The following IMPG1 variants were observed in gnomAD, a reference collection of about 807,000 sequenced individuals.
The protein encoded by IMPG1 is interphotoreceptor matrix proteoglycan 1.
In IMPG1, 85 loss-of-function variants were observed where a neutral mutation model predicts 92.0. The observed-to-expected ratio is 0.92, with a 90% CI of 0.78 to 1.11. The LOEUF (loss-of-function observed/expected upper bound fraction) is 1.11. Ranked by LOEUF, IMPG1 falls within the 50% of genes least tolerant of loss-of-function variation. The pLI is 0.00. For missense variants in IMPG1, 1,022 were observed against 956.0 expected, an observed-to-expected ratio of 1.07 and a Z score of -0.91; for synonymous variants, 367 against 334.1, an observed-to-expected ratio of 1.10 and a Z score of -1.08.
intron 14 of IMPG1, 152 bp from the exon 15 acceptor site, chr6:75,931,303 A>G (rs1337201505): frequency 1.5e-6 from 1 of 655,456 alleles, no homozygotes; most frequent in Non-Finnish European, 2.6e-6. Context: ...GAAAAGAACC[A>G]CATTCTGTAT....
At chr6:75,946,454 T>C (rs1214793670) in intron 14 of IMPG1, among the ~76,000 whole-genome samples, 1 of 152,214 alleles carries the variant, frequency 6.6e-6, no homozygotes, top group African/African-American at 2.4e-5. Context: ...AGCTTTGTTT[T>C]GAATTTGACT....
intron 1 of IMPG1, among the ~76,000 whole-genome samples, chr6:76,069,319 G>T (rs1035423933): frequency 2.0e-5 from 3 of 152,062 alleles, no homozygotes; most frequent in Non-Finnish European, 2.9e-5. Context: ...CCTACACAAA[G>T]AATTAGTTAC....
At chr6:76,059,905 TTC>T (rs1454697278) in intron 1 of IMPG1, among the ~76,000 whole-genome samples, 8 of 152,234 alleles carry the variant, frequency 5.3e-5, no homozygotes, top group Non-Finnish European at 2.9e-5. Context: ...TATTTCATAG[TTC>T]AACTTAATTA....
intron 12 of IMPG1, among the ~76,000 whole-genome samples, chr6:75,998,574 A>G (rs1308252703): frequency 1.3e-5 from 2 of 152,236 alleles, no homozygotes; most frequent in Non-Finnish European, 2.9e-5. Context: ...AAATACTGCA[A>G]TTTATTAAGA....
intron 12 of IMPG1, among the ~76,000 whole-genome samples, chr6:75,959,158 T>C (rs1782174915): frequency 6.6e-6 from 1 of 152,076 alleles, no homozygotes; most frequent in Admixed American, 6.5e-5. Context: ...TCTGCTGGAG[T>C]TTGCGGGAGG....
chr6:75,949,430 T>C (rs1562344702), intron 13 of IMPG1, among the ~76,000 whole-genome samples: 2 of 152,252 alleles, frequency 1.3e-5, no homozygotes, highest in Non-Finnish European at 1.5e-5. Flanking sequence ...TTACCCTATA[T>C]GGTCTAAAAA....
In IMPG1 at chr6:75,951,086, A is replaced by G; in HGVS notation, c.1300T>C (p.Trp434Arg). 1 of 1,604,374 alleles carries G rather than the reference A, an allele frequency of 6.2e-7. No homozygotes were observed. Among genetic ancestry groups the G allele is most frequent in the Non-Finnish European group, 8.5e-7 (1 of 1,174,844 alleles). ...GAEHGLPDTS[W>R]SPPAMASTSL... ...GTAGAGGCCATAGCAGGTGGAGACC[A>G]AGAAGTGTCTGTGGAGGAAGTACAA... is the stretch of plus-strand genomic sequence containing the variant. The change falls in exon 13 of 17, where the codon TGG becomes CGG. Residue 434 changes from tryptophan (W) to arginine (R), a missense_variant. Coordinates refer to ENST00000369950, the MANE Select transcript of IMPG1 (RefSeq NM_001563.4).
At chr6:75,935,833 T>C (rs976232027) in intron 14 of IMPG1, among the ~76,000 whole-genome samples, 2 of 152,202 alleles carry the variant, frequency 1.3e-5, no homozygotes, top group Non-Finnish European at 2.9e-5. Flanking sequence ...TTACTAATAG[T>C]CATGAAGGCA....
chr6:75,965,913 T>G (rs1782302411), intron 12 of IMPG1, among the ~76,000 whole-genome samples: 1 of 152,206 alleles, frequency 6.6e-6, no homozygotes. Flanking sequence ...AGCCACACAC[T>G]TGTTCTTTAC....
At chr6:75,995,061 C>T (rs1782873770) in intron 12 of IMPG1, among the ~76,000 whole-genome samples, 1 of 152,208 alleles carries the variant, frequency 6.6e-6, no homozygotes, top group South Asian at 2.1e-4. Flanking sequence ...TGAGCCTGTA[C>T]AGACATTATT....
chr6:75,986,874 T>C (rs1782726560), intron 12 of IMPG1, among the ~76,000 whole-genome samples: 1 of 152,230 alleles, frequency 6.6e-6, no homozygotes, highest in African/African-American at 2.4e-5. Context: ...AAATCTCAGA[T>C]GATTCTAATG....
chr6:76,011,083 T>A, intron 8 of IMPG1, 83 bp downstream of exon 8: 1 of 769,182 alleles, frequency 1.3e-6, no homozygotes, highest in South Asian at 1.6e-5. Flanking sequence ...AAAAGGACCT[T>A]ATAATCCTTA....
intron 9 of IMPG1, 66 bp downstream of exon 9, chr6:76,007,414 A>AAAT: frequency 8.3e-7 from 1 of 1,203,046 alleles, no homozygotes; most frequent in Admixed American, 2.1e-5. Flanking sequence ...TATTTGTGCA[A>AAAT]AATCAGTATA....
chr6:76,072,410 T>C lies in IMPG1; in HGVS notation c.67+12A>G. 1 of 1,440,164 alleles carries C rather than the reference T, an allele frequency of 6.9e-7. No individual in the cohort carries two copies. The highest frequency in any genetic ancestry group is 2.3e-5 in the East Asian group (1 of 43,514). 89.2% of individuals were successfully genotyped at this position (1,440,164 alleles called of 1,614,324 possible). A position where few individuals can be genotyped will look rare whatever the true frequency, so the allele number is the denominator to read the frequency against. ...GATAAGCAATTTAAAAGTAAACATTTAAGTAACTTACCTTTGGTTCCTTGA... is the reference window on the plus strand; with the variant it reads ...GATAAGCAATTTAAAAGTAAACATTCAAGTAACTTACCTTTGGTTCCTTGA... On this transcript the variant is annotated intron_variant, in intron 1 of 16. Coordinates refer to ENST00000369950, the MANE Select transcript of IMPG1 (RefSeq NM_001563.4).
At chr6:76,035,141 C>T (rs973189839) in intron 2 of IMPG1, among the ~76,000 whole-genome samples, 15 of 152,042 alleles carry the variant, frequency 9.9e-5, no homozygotes, top group Admixed American at 8.5e-4. Context: ...GCTAGGGGCA[C>T]TGAAGGAGCA....
intron 12 of IMPG1, among the ~76,000 whole-genome samples, chr6:75,963,153 A>G (rs1782237492): frequency 6.6e-6 from 1 of 152,240 alleles, no homozygotes; most frequent in Non-Finnish European, 1.5e-5. Context: ...CTAATTTAAT[A>G]ATAAAATATC....
At chr6:75,994,973 A>C (rs1312468087) in intron 12 of IMPG1, among the ~76,000 whole-genome samples, 1 of 152,172 alleles carries the variant, frequency 6.6e-6, no homozygotes, top group African/African-American at 2.4e-5. Flanking sequence ...ATATTTGAAC[A>C]CCTGAGAGGC....
chr6:76,004,060 T>C, intron 10 of IMPG1, 110 bp from the exon 11 acceptor site: 1 of 718,760 alleles, frequency 1.4e-6, no homozygotes, highest in Non-Finnish European at 2.3e-6. Flanking sequence ...CCTTAAGGAG[T>C]AGTACAACAA....
Position 75,974,070 on chromosome 6 carries a change from T to C in IMPG1, c.1292-22976A>G, listed in dbSNP as rs142613324. On this transcript the variant is annotated intron_variant, in intron 12 of 16. Transcript: ENST00000369950. ...TTAGAGATGCAGCCTGGCTTCAAGA[T>C]AGTCCCTTCAGAGAATGACCTTAAA... 9.3e-4 allele frequency among the ~76,000 whole-genome samples: 141 copies of C among 152,358 alleles called. 1 individual carries two copies. The highest frequency in any genetic ancestry group is 1.7e-3 in the Non-Finnish European group (115 of 68,032).
Sources: gnomAD v4.1 joint callset for allele counts (sites outside exome capture counted in the v4.1 genomes callset) on GRCh38, gnomAD v4.1.1 for gene constraint, MANE v1.5 for transcripts, NCBI Gene and HGNC (gene_info 2026-07-23, HGNC 2026-07-21) for gene names.